The following PARD3B variants were observed in gnomAD, a reference collection of about 807,000 sequenced individuals.
The protein encoded by PARD3B is par-3 family cell polarity regulator beta.
Under a neutral mutation model 130.2 loss-of-function variants are expected in PARD3B, and 103 were observed. The ratio of observed to expected loss-of-function variants is 0.79; its 90% CI spans 0.67 to 0.93. The LOEUF is 0.93. Ranked by LOEUF, PARD3B falls within the 40% of genes least tolerant of loss-of-function variation. PARD3B has a pLI of 0.00. For missense variants in PARD3B, 1,609 were observed against 1,499.2 expected, an observed-to-expected ratio of 1.07 and a Z score of -1.21; for synonymous variants, 583 against 553.2, an observed-to-expected ratio of 1.05 and a Z score of -0.76.
chr2:204,828,177 G>A (rs2043665544), intron 2 of PARD3B, among the ~76,000 whole-genome samples: 1 of 152,178 alleles, frequency 6.6e-6, no homozygotes. Flanking sequence ...ATGCATCACA[G>A]TTAACCTCTA....
At chr2:205,367,211 A>C (rs943461595) in intron 18 of PARD3B, among the ~76,000 whole-genome samples, 20 of 152,216 alleles carry the variant, frequency 1.3e-4, no homozygotes, top group African/African-American at 4.8e-4. Context: ...TAGGACATAC[A>C]ATCTCCAAAA....
chr2:205,557,003 A>T (rs1318419156), intron 22 of PARD3B, among the ~76,000 whole-genome samples: 1 of 152,112 alleles, frequency 6.6e-6, no homozygotes, highest in East Asian at 1.9e-4. Flanking sequence ...TCAAGCCTCC[A>T]TCATTCCCAC....
intron 2 of PARD3B, among the ~76,000 whole-genome samples, chr2:204,885,764 C>T (rs533265605): frequency 6.6e-6 from 1 of 152,176 alleles, no homozygotes; most frequent in Non-Finnish European, 1.5e-5. Flanking sequence ...CCTATATGTC[C>T]AGTTTCAAAG....
At chr2:204,950,420 G>A (rs571777672) in intron 2 of PARD3B, among the ~76,000 whole-genome samples, 26 of 152,322 alleles carry the variant, frequency 1.7e-4, no homozygotes, top group African/African-American at 5.8e-4. Context: ...TTTGGACTGA[G>A]TCAGTGTGAC....
intron 2 of PARD3B, among the ~76,000 whole-genome samples, chr2:204,869,632 T>C (rs2045559436): frequency 6.6e-6 from 1 of 152,138 alleles, no homozygotes; most frequent in African/African-American, 2.4e-5. Context: ...CCTTTTAATG[T>C]AGACAGTTTA....
intron 3 of PARD3B, among the ~76,000 whole-genome samples, chr2:204,973,603 A>T (rs2125184437): frequency 6.7e-6 from 1 of 148,884 alleles, no homozygotes; most frequent in Admixed American, 6.7e-5. Flanking sequence ...TAATTTAATT[A>T]TTTACAGAAG....
intron 2 of PARD3B, among the ~76,000 whole-genome samples, chr2:204,864,922 T>C (rs924718955): frequency 6.6e-6 from 1 of 152,084 alleles, no homozygotes; most frequent in Non-Finnish European, 1.5e-5. Context: ...AAATATGATA[T>C]ACAGCAAGAA....
chr2:204,609,378 C>T (rs964161660), intron 1 of PARD3B, among the ~76,000 whole-genome samples: 1 of 152,086 alleles, frequency 6.6e-6, no homozygotes, highest in African/African-American at 2.4e-5. Flanking sequence ...GTGACCATGG[C>T]CTGGGGAACA....
intron 18 of PARD3B, among the ~76,000 whole-genome samples, chr2:205,391,178 C>A (rs1039784156): frequency 6.6e-6 from 1 of 152,346 alleles, no homozygotes. Flanking sequence ...TCTCAAAACA[C>A]TCTTTCCTTT....
At chr2:205,396,703 A>G (rs2046043132) in intron 18 of PARD3B, among the ~76,000 whole-genome samples, 1 of 152,242 alleles carries the variant, frequency 6.6e-6, no homozygotes, top group African/African-American at 2.4e-5. Flanking sequence ...TATATAAAGT[A>G]AGGTTGACCT....
Position 205,383,901 on chromosome 2 carries a change from T to C in PARD3B, c.2631-17112T>C, listed in dbSNP as rs531736800. Among the ~76,000 whole-genome samples the C allele has an allele frequency of 2.0e-5, 3 of 152,244 alleles. No individual in the cohort carries two copies. The South Asian group carries it at 6.2e-4, about 32-fold the overall frequency. On this transcript the variant is annotated intron_variant, in intron 18 of 22. Coordinates refer to ENST00000406610, the MANE Select transcript of PARD3B (RefSeq NM_001302769.2). ...GTATACTGTTGCATGGGTGTTTACTTCCTTCTTCTAACCTAATTTGTGATT... is the reference window on the plus strand; with the variant it reads ...GTATACTGTTGCATGGGTGTTTACTCCCTTCTTCTAACCTAATTTGTGATT...
At position 205,070,998 on chromosome 2, in the gene PARD3B, TA is replaced by T. The variant is rs940874630; in HGVS notation, c.504+23319del. ...GGAAATAAAGTGCATACTGTTAATGTAAAAAAAAAAACCACTTAATTTGGGG... is the reference window on the plus strand; with the variant it reads ...GGAAATAAAGTGCATACTGTTAATGTAAAAAAAAAACCACTTAATTTGGGG... On this transcript the variant is annotated intron_variant, in intron 4 of 22. Transcript: ENST00000406610. Among the ~76,000 whole-genome samples, 485 of 146,176 alleles carry T rather than the reference TA, an allele frequency of 3.3e-3. 3 individuals carry two copies. The highest frequency in any genetic ancestry group is 9.4e-3 in the African/African-American group (379 of 40,154).
chr2:204,743,766 T>C (rs879312449), intron 2 of PARD3B, among the ~76,000 whole-genome samples: 3 of 152,136 alleles, frequency 2.0e-5, no homozygotes, highest in Admixed American at 2.0e-4. Context: ...TACTCAGATA[T>C]CCTCTCTATG....
chr2:204,792,424 T>C (rs2042231628), intron 2 of PARD3B, among the ~76,000 whole-genome samples: 1 of 152,060 alleles, frequency 6.6e-6, no homozygotes, highest in Admixed American at 6.5e-5. Flanking sequence ...ACCAGAACTT[T>C]TGTATTTCTT....
chr2:205,181,610 A>G (rs1576099058), intron 13 of PARD3B, among the ~76,000 whole-genome samples: 1 of 152,270 alleles, frequency 6.6e-6, no homozygotes, highest in African/African-American at 2.4e-5. Flanking sequence ...TTGCAAAGGC[A>G]GGTGGCAAGC....
intron 14 of PARD3B, among the ~76,000 whole-genome samples, chr2:205,188,283 T>C (rs1378582929): frequency 6.6e-6 from 1 of 152,144 alleles, no homozygotes; most frequent in Non-Finnish European, 1.5e-5. Flanking sequence ...TGGGAAAGAA[T>C]GCAGAGTGTG....
At chr2:205,492,810 G>A (rs1054357054) in intron 20 of PARD3B, among the ~76,000 whole-genome samples, 4 of 151,990 alleles carry the variant, frequency 2.6e-5, no homozygotes, top group Non-Finnish European at 4.4e-5. Context: ...TCCTTAAAAA[G>A]CAATTATTTA....
chr2:205,253,251 T>C lies in PARD3B; in HGVS notation c.2185+7429T>C. 2.2e-6 allele frequency: 1 copy of C among 455,142 alleles called. No homozygotes were observed. Among genetic ancestry groups the C allele is most frequent in the Non-Finnish European group, 4.4e-6 (1 of 226,794 alleles). 28.2% of individuals were successfully genotyped at this position (455,142 alleles called of 1,614,324 possible). On this transcript the variant is annotated intron_variant, in intron 16 of 22. Transcript: ENST00000406610. The surrounding 1 kb of genome is among the most constrained non-coding windows in gnomAD (Gnocchi z 4.4). ...CTTCTTGATAACAAGAGTGAGAAGA[T>C]AGAGACAGGGTAGATAGACACTTAA...
Position 205,078,967 on chromosome 2 carries a change from C to G in PARD3B, c.505-25459C>G, listed in dbSNP as rs1343841175. On this transcript the variant is annotated intron_variant, in intron 4 of 22. Coordinates refer to ENST00000406610, the MANE Select transcript of PARD3B (RefSeq NM_001302769.2). The surrounding 1 kb of genome is among the most constrained non-coding windows in gnomAD (Gnocchi z 4.0). ...GTCATGGATGCCCAGACCTGTGGAG[C>G]CTTGGCAGCAGCCGACTCTACATCT... Among the ~76,000 whole-genome samples, 1 of 152,220 alleles carries G rather than the reference C, an allele frequency of 6.6e-6. No homozygotes were observed. Among genetic ancestry groups the G allele is most frequent in the Non-Finnish European group, 1.5e-5 (1 of 68,040 alleles).
Sources: allele counts gnomAD v4.1 joint callset (sites outside exome capture counted in the v4.1 genomes callset), GRCh38; gene constraint gnomAD v4.1.1; non-coding constraint Gnocchi (gnomAD v3.1); transcripts MANE v1.5; gene names NCBI Gene and HGNC (gene_info 2026-07-23, HGNC 2026-07-21).